The following HOOK2 variants were observed in gnomAD, a reference collection of about 807,000 sequenced individuals.
The protein encoded by HOOK2 is protein Hook homolog 2.
HOOK2 carries 108 observed loss-of-function variants against 111.9 expected under a neutral mutation model. The ratio of observed to expected loss-of-function variants is 0.96; its 90% CI spans 0.83 to 1.13. The LOEUF (loss-of-function observed/expected upper bound fraction) is 1.13. Ranked by LOEUF, HOOK2 falls within the 50% of genes most tolerant of loss-of-function variation. HOOK2 has a pLI of 0.00. For synonymous variants in HOOK2, 405 were observed against 394.3 expected (o/e 1.03, Z -0.32); for missense variants, 978 against 951.3 (o/e 1.03, Z -0.37).
intron 3 of HOOK2, 134 bp from the exon 4 acceptor site, chr19:12,773,178 G>GGGGT: frequency 1.3e-6 from 1 of 771,928 alleles, no homozygotes; most frequent in Non-Finnish European, 2.2e-6. Flanking sequence ...CCTTCCTCTA[G>GGGGT]GGGTGACCTG....
upstream of HOOK2, among the ~76,000 whole-genome samples, chr19:12,778,100 G>T (rs1968560374): frequency 1.3e-5 from 2 of 152,130 alleles, no homozygotes; most frequent in South Asian, 4.1e-4. Flanking sequence ...AGACGGGCGG[G>T]GTAATGTGCA....
chr19:12,767,301 C>G (rs540895533), intron 14 of HOOK2, 94 bp downstream of exon 14: 2 of 1,066,514 alleles, frequency 1.9e-6, no homozygotes, highest in Non-Finnish European at 2.8e-6. Flanking sequence ...ACCAAGCAAC[C>G]GGGGCTAGCA....
intron 13 of HOOK2, 133 bp from the exon 14 acceptor site, chr19:12,767,597 G>C: frequency 1.1e-6 from 1 of 899,306 alleles, no homozygotes; most frequent in African/African-American, 1.7e-5. Context: ...CTCCATCCCC[G>C]GCTTGATAGA....
chr19:12,767,403 C>G lies in HOOK2; in HGVS notation c.1365G>C (p.Ala455=). ...GAGTGACCCCAGGATACCTGAGCTC[C>G]GCAGGCAGGATCTCTGCGGCTAAGT... The part of the protein sequence containing the change: ...VDNLAAEILP[A]ELRETLLRLQ... Residue 455 remains alanine (A), a synonymous_variant, in exon 14 of 23, where the codon GCG becomes GCC. Coordinates refer to ENST00000397668, the MANE Select transcript of HOOK2 (RefSeq NM_013312.3). 6.2e-7 allele frequency: 1 copy of G among 1,613,944 alleles called. No homozygotes were observed. The highest frequency in any genetic ancestry group is 2.2e-5 in the East Asian group (1 of 44,866).
upstream of HOOK2, chr19:12,778,540 A>C (rs1430349740): frequency 6.6e-6 from 1 of 152,078 alleles, no homozygotes; most frequent in East Asian, 1.9e-4. Flanking sequence ...CATTCACCAG[A>C]GGAGAGGGTG....
intron 10 of HOOK2, among the ~76,000 whole-genome samples, 171 bp from the exon 11 acceptor site, chr19:12,770,253 A>C (rs1968277568): frequency 6.6e-6 from 1 of 152,028 alleles, no homozygotes; most frequent in Non-Finnish European, 1.5e-5. Context: ...GGAGCTGTTG[A>C]GAGTCATTAC....
chr19:12,786,514 G>A lies in HOOK2; in HGVS notation n.42-12289C>T, dbSNP rs552269965. On this transcript the variant is annotated intron_variant and non_coding_transcript_variant, in intron 3 of 3. Coordinates refer to the HOOK2 transcript ENST00000589765. This position sits in a 1 kb window ranked among gnomAD's most constrained non-coding sequence, Gnocchi z 4.3. Reference sequence around the variant, plus strand: ...TGGGGCACTGGGGAAGCCTGCGCAGGGACTTCTTAGCCAGGTGCTGGTCTG... The same window carrying A: ...TGGGGCACTGGGGAAGCCTGCGCAGAGACTTCTTAGCCAGGTGCTGGTCTG... Among the ~76,000 whole-genome samples the A allele has an allele frequency of 1.3e-5, 2 of 152,218 alleles. No individual in the cohort carries two copies. The highest frequency in any genetic ancestry group is 4.1e-4 in the South Asian group (2 of 4,832).
chr19:12,763,430 C>A lies in HOOK2; in HGVS notation c.2012G>T (p.Gly671Val). 1 of 1,613,740 alleles carries A rather than the reference C, an allele frequency of 6.2e-7. No homozygotes were observed. ...KLLISAWYNM[G>V]MALQQRAGEE... ...CCCAGCTCGCTGCTGCAAGGCCATG[C>A]CCTTCAGGAGGAGGTGTGGTTGGGG... The change falls in exon 23 of 23, where the codon GGC (glycine) becomes GTC (valine). Residue 671 changes from glycine to valine, a missense_variant and splice_region_variant. Gly to Val is a moderately radical substitution (Grantham distance 109). Coordinates refer to ENST00000397668, the MANE Select transcript of HOOK2 (RefSeq NM_013312.3).
chr19:12,788,311 C>T (rs1350177600), intron 3 of HOOK2, among the ~76,000 whole-genome samples: 1 of 152,156 alleles, frequency 6.6e-6, no homozygotes, highest in Non-Finnish European at 1.5e-5. Context: ...ATGCATTTTG[C>T]TGGATTGTTG....
chr19:12,791,378 C>T lies in HOOK2; in HGVS notation n.42-17153G>A. ...GCGAGCCGCCTCCTCCCCTTCCCCA[C>T]GCTCGAGGAGGGGGGCGCGGGGGCC... On this transcript the variant is annotated intron_variant and non_coding_transcript_variant, in intron 3 of 3. Transcript: ENST00000589765. The surrounding 1 kb of genome is among the most constrained non-coding windows in gnomAD (Gnocchi z 7.0). 1 of 169,516 alleles carries T rather than the reference C, an allele frequency of 5.9e-6. No homozygotes were observed. Among genetic ancestry groups the T allele is most frequent in the Non-Finnish European group, 1.3e-5 (1 of 79,628 alleles). The allele number at this position is 169,516 out of a possible 1,614,324, so 10.5% of individuals were successfully genotyped here.
rs1484893456 is a variant in HOOK2 at position 12,786,494 on chromosome 19, C to T, written n.42-12269G>A. 6.6e-6 allele frequency among the ~76,000 whole-genome samples: 1 copy of T among 152,058 alleles called. No individual in the cohort carries two copies. Among genetic ancestry groups the T allele is most frequent in the Admixed American group, 6.5e-5 (1 of 15,284 alleles). ...GTGCCCTAGGCCCCAGGCCCTGGGG[C>T]ACTGGGGAAGCCTGCGCAGGGACTT... On this transcript the variant is annotated intron_variant and non_coding_transcript_variant, in intron 3 of 3. Transcript: ENST00000589765. This position sits in a 1 kb window ranked among gnomAD's most constrained non-coding sequence, Gnocchi z 4.3.
chr19:12,783,735 T>C (rs1385186314), intron 3 of HOOK2, among the ~76,000 whole-genome samples: 1 of 152,052 alleles, frequency 6.6e-6, no homozygotes, highest in African/African-American at 2.4e-5. Context: ...AGGTGAATAA[T>C]AGATGGGAAA....
upstream of HOOK2, among the ~76,000 whole-genome samples, chr19:12,779,048 G>C (rs1318629389): frequency 6.6e-6 from 1 of 152,190 alleles, no homozygotes; most frequent in Non-Finnish European, 1.5e-5. Flanking sequence ...TTTAGGTAAA[G>C]AGAGCCCCCA....
rs369770626 is a variant in HOOK2, at chr19:12,763,430, C to T, written c.2012G>A (p.Gly671Asp). The T allele has an allele frequency of 4.6e-5, 74 of 1,613,740 alleles. 1 individual carries two copies. The South Asian group carries it at 6.9e-4, about 15-fold the overall frequency. Residue 671 changes from glycine (G) to aspartate (D), a missense_variant and splice_region_variant, in exon 23 of 23, where the codon GGC becomes GAC. Coordinates refer to ENST00000397668, the MANE Select transcript of HOOK2 (RefSeq NM_013312.3). ...KLLISAWYNM[G>D]MALQQRAGEE... ...CCCAGCTCGCTGCTGCAAGGCCATG[C>T]CCTTCAGGAGGAGGTGTGGTTGGGG...
chr19:12,783,015 C>A (rs77280518), upstream of HOOK2, among the ~76,000 whole-genome samples: 1 of 152,030 alleles, frequency 6.6e-6, no homozygotes, highest in Non-Finnish European at 1.5e-5. Flanking sequence ...CGCTCGTGAT[C>A]CCGGGAGAAG....
At chr19:12,792,120 A>G (rs1251421252) in intron 3 of HOOK2, 1 of 1,599,460 alleles carries the variant, frequency 6.3e-7, no homozygotes, top group Admixed American at 1.7e-5. Context: ...CGGGGGTGGC[A>G]GCGGTGGAGG....
At chr19:12,779,132 G>A (rs1968570270), upstream of HOOK2, among the ~76,000 whole-genome samples, 1 of 152,208 alleles carries the variant, frequency 6.6e-6, no homozygotes, top group African/African-American at 2.4e-5. Context: ...TGGGCCAGCA[G>A]CCCCCAGCTG....
chr19:12,791,793 C>A lies in HOOK2; in HGVS notation n.42-17568G>T. On this transcript the variant is annotated intron_variant and non_coding_transcript_variant, in intron 3 of 3. Transcript: ENST00000589765. The surrounding 1 kb of genome is among the most constrained non-coding windows in gnomAD (Gnocchi z 7.0). ...CCGGATGTGCACTAAAATGGAACAG[C>A]CCTTCTACCACGACGACTCATACAC... 1 of 1,611,858 alleles carries A rather than the reference C, an allele frequency of 6.2e-7. No individual in the cohort carries two copies. The highest frequency in any genetic ancestry group is 1.3e-5 in the African/African-American group (1 of 74,976).
upstream of HOOK2, among the ~76,000 whole-genome samples, chr19:12,782,292 G>A (rs1365404404): frequency 3.9e-5 from 6 of 152,258 alleles, no homozygotes; most frequent in African/African-American, 1.4e-4. Context: ...CCATCCACGT[G>A]TGTCCGTGTT....
Sources: gnomAD v4.1 joint callset for allele counts (sites outside exome capture counted in the v4.1 genomes callset) on GRCh38, gnomAD v4.1.1 for gene constraint, Gnocchi (gnomAD v3.1) non-coding constraint, MANE v1.5 for transcripts, NCBI Gene and HGNC (gene_info 2026-07-23, HGNC 2026-07-21) for gene names.